The following MYO3B variants were observed in gnomAD, a reference collection of about 807,000 sequenced individuals.
MYO3B encodes myosin IIIB.
MYO3B carries 156 observed loss-of-function variants against 174.6 expected under a neutral mutation model. The observed-to-expected ratio is 0.89, with a 90% CI of 0.78 to 1.02. The LOEUF (loss-of-function observed/expected upper bound fraction) is 1.02. Ranked by LOEUF, MYO3B falls within the 50% of genes least tolerant of loss-of-function variation. The probability of loss-of-function intolerance (pLI) is 0.00; values close to 1 mark genes in which losing one functional copy is unlikely to be tolerated. For missense variants in MYO3B, 1,632 were observed against 1,639.4 expected (o/e 1.00, Z 0.08); for synonymous variants, 563 against 569.1 (o/e 0.99, Z 0.15).
At chr2:170,300,488 G>A (rs927120137) in intron 7 of MYO3B, among the ~76,000 whole-genome samples, 8 of 152,086 alleles carry the variant, frequency 5.3e-5, no homozygotes, top group Admixed American at 3.9e-4. Context: ...TGTCCCTCTG[G>A]GGAGTAATGT....
At chr2:170,541,396 G>A (rs1438795513) in intron 30 of MYO3B, among the ~76,000 whole-genome samples, 1 of 152,154 alleles carries the variant, frequency 6.6e-6, no homozygotes, top group Non-Finnish European at 1.5e-5. Flanking sequence ...CAGAGGAAGA[G>A]CAGAGGATTT....
chr2:170,206,485 A>G lies in MYO3B; in HGVS notation c.321+6201A>G, dbSNP rs2092714455. 6.6e-6 allele frequency among the ~76,000 whole-genome samples: 1 copy of G among 152,192 alleles called. No individual in the cohort carries two copies. Among genetic ancestry groups the G allele is most frequent in the South Asian group, 2.1e-4 (1 of 4,830 alleles). On this transcript the variant is annotated intron_variant, in intron 3 of 34. Transcript: ENST00000408978. The surrounding 1 kb of genome is among the most constrained non-coding windows in gnomAD (Gnocchi z 4.3). The stretch of plus-strand genomic sequence containing the variant: ...TAGGTAATAAACCAGACAGTCATAA[A>G]CTATTGATAACAAAGAGGTGCCTTT...
intron 7 of MYO3B, among the ~76,000 whole-genome samples, chr2:170,318,954 A>C (rs558815111): frequency 6.6e-6 from 1 of 152,332 alleles, no homozygotes; most frequent in South Asian, 2.1e-4. Context: ...GGAACTTGAG[A>C]AGAAAGAATA....
intron 1 of MYO3B, among the ~76,000 whole-genome samples, chr2:170,190,649 G>A (rs1462531075): frequency 1.3e-5 from 2 of 152,066 alleles, no homozygotes; most frequent in Non-Finnish European, 2.9e-5. Context: ...AGTAAGAACT[G>A]CCTGACTACA....
intron 7 of MYO3B, among the ~76,000 whole-genome samples, chr2:170,277,300 A>G (rs75345943): frequency 0.033 from 5,052 of 152,326 alleles, 108 homozygotes; most frequent in Middle Eastern, 0.048. Context: ...TGTGCTTTAA[A>G]TAGGATTTCC....
chr2:170,400,108 G>A (rs934397173), intron 16 of MYO3B, 80 bp from the exon 17 acceptor site: 3 of 1,571,850 alleles, frequency 1.9e-6, no homozygotes, highest in African/African-American at 1.4e-5. Flanking sequence ...TAGACAACTA[G>A]TAGTTTCCAC....
intron 6 of MYO3B, among the ~76,000 whole-genome samples, chr2:170,226,311 C>A (rs2105394118): frequency 6.6e-6 from 1 of 152,338 alleles, no homozygotes; most frequent in South Asian, 2.1e-4. Context: ...ACATTCATCT[C>A]TGAGATTCCG....
At chr2:170,203,169 G>A (rs73025181) in intron 3 of MYO3B, among the ~76,000 whole-genome samples, 13,453 of 152,162 alleles carry the variant, frequency 0.088, 1,325 homozygotes, top group East Asian at 0.3. Flanking sequence ...CTTTCACCTA[G>A]ATGATATACA....
At chr2:170,353,491 A>G (rs1388272527) in intron 8 of MYO3B, among the ~76,000 whole-genome samples, 1 of 152,226 alleles carries the variant, frequency 6.6e-6, no homozygotes, top group African/African-American at 2.4e-5. Flanking sequence ...AATGGATTAC[A>G]TGTCATTATA....
chr2:170,187,590 G>A (rs1342102454), intron 1 of MYO3B, among the ~76,000 whole-genome samples: 2 of 152,028 alleles, frequency 1.3e-5, no homozygotes, highest in Non-Finnish European at 2.9e-5. Context: ...CTACTTTTTT[G>A]TATGTAGGCA....
intron 32 of MYO3B, among the ~76,000 whole-genome samples, chr2:170,626,031 T>C (rs186601568): frequency 1.1e-4 from 16 of 152,352 alleles, no homozygotes; most frequent in African/African-American, 3.4e-4. Flanking sequence ...GTATATTCTG[T>C]TGATTTGGGG....
intron 32 of MYO3B, among the ~76,000 whole-genome samples, chr2:170,630,992 C>T (rs932202455): frequency 1.3e-5 from 2 of 152,182 alleles, no homozygotes; most frequent in African/African-American, 2.4e-5. Context: ...AACCAGAGTG[C>T]CCCTTCTCCT....
intron 32 of MYO3B, among the ~76,000 whole-genome samples, chr2:170,579,123 C>T (rs548423648): frequency 1.3e-5 from 2 of 152,098 alleles, no homozygotes; most frequent in Non-Finnish European, 2.9e-5. Flanking sequence ...AAAACTATGA[C>T]TAGCAAAGAA....
intron 24 of MYO3B, 122 bp from the exon 25 acceptor site, chr2:170,466,384 A>G (rs1051942874): frequency 4.3e-5 from 36 of 831,796 alleles, no homozygotes; most frequent in Non-Finnish European, 6.8e-5. Flanking sequence ...TGCTGATTTC[A>G]TGTTCTTCCT....
chr2:170,235,969 A>G (rs776257147), intron 6 of MYO3B, 22 bp from the exon 7 acceptor site: 2 of 1,613,510 alleles, frequency 1.2e-6, no homozygotes, highest in Non-Finnish European at 1.7e-6. Context: ...TTGATGTGTC[A>G]TGTCCTGCTT....
chr2:170,233,381 A>G (rs1559321223), intron 6 of MYO3B, among the ~76,000 whole-genome samples: 1 of 152,232 alleles, frequency 6.6e-6, no homozygotes, highest in Non-Finnish European at 1.5e-5. Flanking sequence ...CATGAATAAC[A>G]GTGAACTATT....
intron 8 of MYO3B, among the ~76,000 whole-genome samples, chr2:170,358,078 G>A (rs986590854): frequency 6.6e-6 from 1 of 151,846 alleles, no homozygotes; most frequent in Non-Finnish European, 1.5e-5. Context: ...CTTGAACCTG[G>A]GAGGCAGAGG....
At chr2:170,469,100 C>T (rs561570238) in intron 25 of MYO3B, among the ~76,000 whole-genome samples, 70 of 152,190 alleles carry the variant, frequency 4.6e-4, no homozygotes, top group African/African-American at 1.5e-3. Context: ...CGTGCCACTG[C>T]GCTCCAGCCA....
At chr2:170,323,005 A>C (rs2093840078) in intron 7 of MYO3B, among the ~76,000 whole-genome samples, 1 of 152,220 alleles carries the variant, frequency 6.6e-6, no homozygotes, top group Non-Finnish European at 1.5e-5. Flanking sequence ...ACAATAAAAG[A>C]AGAAATAGAT....
Sources: gnomAD v4.1 joint callset for allele counts (sites outside exome capture counted in the v4.1 genomes callset) on GRCh38, gnomAD v4.1.1 for gene constraint, Gnocchi (gnomAD v3.1) non-coding constraint, MANE v1.5 for transcripts, NCBI Gene and HGNC (gene_info 2026-07-23, HGNC 2026-07-21) for gene names.